RNF34: variants seen among roughly 807,000 people sequenced by gnomAD.
RNF34 encodes ring finger protein 34.
RNF34 carries 12 observed loss-of-function variants against 37.9 expected under a neutral mutation model. That is an observed-to-expected ratio of 0.32 (90% confidence interval 0.20 to 0.51). RNF34 has a LOEUF of 0.51. Among genes scored for constraint, RNF34 ranks in the 20% least tolerant of loss-of-function variants. The pLI is 0.97. For missense variants in RNF34, 362 were observed against 472.7 expected, an observed-to-expected ratio of 0.77 and a Z score of 2.17; for synonymous variants, 155 against 177.2, an observed-to-expected ratio of 0.87 and a Z score of 1.00.
Position 121,423,756 on chromosome 12 carries a change from C to T in RNF34, c.*180C>T, listed in dbSNP as rs1872365382. On this transcript the variant is annotated 3_prime_UTR_variant, in exon 6 of 6. Transcript: ENST00000361234. This position sits in a 1 kb window ranked among gnomAD's most constrained non-coding sequence, Gnocchi z 4.3. ...GGAAACATTGGTCCATGCCGTGAGC[C>T]TGTCTGCCTGTGGACACGTGAGCTT... 1 of 598,538 alleles carries T rather than the reference C, an allele frequency of 1.7e-6. No homozygotes were observed. The highest frequency in any genetic ancestry group is 2.9e-6 in the Non-Finnish European group (1 of 348,878). 37.1% of individuals were successfully genotyped at this position (598,538 alleles called of 1,614,324 possible).
intron 1 of RNF34, 82 bp from the exon 2 acceptor site, chr12:121,416,077 C>G (rs781929620): frequency 1.1e-5 from 13 of 1,155,120 alleles, no homozygotes; most frequent in Non-Finnish European, 1.7e-5. Flanking sequence ...AAACTTACCT[C>G]TCCAGAATAG....
chr12:121,410,094 C>T (rs907942502), intron 1 of RNF34, among the ~76,000 whole-genome samples: 28 of 151,848 alleles, frequency 1.8e-4, no homozygotes, highest in African/African-American at 5.8e-4. Flanking sequence ...GTAGAGGTTG[C>T]GGTGAGCCAA....
intron 1 of RNF34, among the ~76,000 whole-genome samples, chr12:121,403,639 T>TA (rs1264316689): frequency 6.6e-6 from 1 of 152,142 alleles, no homozygotes; most frequent in African/African-American, 2.4e-5. Flanking sequence ...CCTGGACATA[T>TA]AGTGGGTGAG....
Position 121,423,514 on chromosome 12 carries a change from A to G in RNF34, c.1057A>G (p.Met353Val). 3.1e-6 allele frequency: 5 copies of G among 1,614,222 alleles called. No individual in the cohort carries two copies. Among genetic ancestry groups the G allele is most frequent in the Non-Finnish European group, 4.2e-6 (5 of 1,180,036 alleles). Residue 353 changes from methionine (M) to valine (V), a missense_variant, in exon 6 of 6, where the codon ATG becomes GTG. By Grantham distance (21) the Met-to-Val change is conservative. Transcript: ENST00000361234. This position sits in a 1 kb window ranked among gnomAD's most constrained non-coding sequence, Gnocchi z 4.3. The part of the protein sequence containing the change: ...MVTCTKCGKR[M>V]SECPICRQYV... ...TACCTGCACCAAGTGCGGCAAGCGC[A>G]TGAGTGAGTGTCCCATCTGCCGGCA...
chr12:121,414,270 A>C (rs79084421), intron 1 of RNF34, among the ~76,000 whole-genome samples: 2,387 of 152,360 alleles, frequency 0.016, 49 homozygotes, highest in East Asian at 0.13. Context: ...ATTACCTATC[A>C]CATTATCTAG....
At chr12:121,407,760 G>T (rs11065560) in intron 1 of RNF34, among the ~76,000 whole-genome samples, 1 of 152,168 alleles carries the variant, frequency 6.6e-6, no homozygotes, top group Admixed American at 6.5e-5. Flanking sequence ...CATGAACTTA[G>T]GTCTCTAAAG....
chr12:121,423,695 T>A lies in RNF34; in HGVS notation c.*119T>A. On this transcript the variant is annotated 3_prime_UTR_variant, in exon 6 of 6. Coordinates refer to ENST00000361234, the MANE Select transcript of RNF34 (RefSeq NM_025126.4). The surrounding 1 kb of genome is among the most constrained non-coding windows in gnomAD (Gnocchi z 4.3). ...AGCTATTTTAAAACATTATTTTGAC[T>A]ACTAAGTGGGGACAGAAAGATCCAT... 1.2e-6 allele frequency: 1 copy of A among 858,512 alleles called. No individual in the cohort carries two copies. Among genetic ancestry groups the A allele is most frequent in the Non-Finnish European group, 1.8e-6 (1 of 558,726 alleles). The allele number at this position is 858,512 out of a possible 1,614,324, so 53.2% of individuals were successfully genotyped here.
chr12:121,403,772 G>A (rs1194306041), intron 1 of RNF34, among the ~76,000 whole-genome samples: 1 of 152,114 alleles, frequency 6.6e-6, no homozygotes, highest in East Asian at 1.9e-4. Flanking sequence ...TAAAATAACT[G>A]TGTAAATAAT....
chr12:121,417,985 GCTTGA>G lies in RNF34; in HGVS notation c.633+75_633+79del. Reference sequence around the variant, plus strand: ...GGCCGTATATGGTGGGGCCTTTAGTGCTTGATGACTTCTGATAAACTTCAAGTCAT... The same window carrying G: ...GGCCGTATATGGTGGGGCCTTTAGTGTGACTTCTGATAAACTTCAAGTCAT... On this transcript the variant is annotated intron_variant, in intron 3 of 5. Coordinates refer to ENST00000361234, the MANE Select transcript of RNF34 (RefSeq NM_025126.4). This position sits in a 1 kb window ranked among gnomAD's most constrained non-coding sequence, Gnocchi z 5.0. 1.4e-6 allele frequency: 2 copies of G among 1,437,398 alleles called. No homozygotes were observed. Among genetic ancestry groups the G allele is most frequent in the Non-Finnish European group, 1.9e-6 (2 of 1,054,580 alleles). The allele number at this position is 1,437,398 out of a possible 1,614,324, so 89.0% of individuals were successfully genotyped here. A position where few individuals can be genotyped will look rare whatever the true frequency, so the allele number is the denominator to read the frequency against.
intron 5 of RNF34, among the ~76,000 whole-genome samples, chr12:121,421,632 G>T (rs1020064729): frequency 6.6e-6 from 1 of 152,048 alleles, no homozygotes; most frequent in Non-Finnish European, 1.5e-5. Flanking sequence ...TCAAGCCACG[G>T]AACATTTATG....
At chr12:121,408,982 T>C (rs1870794640) in intron 1 of RNF34, among the ~76,000 whole-genome samples, 1 of 152,054 alleles carries the variant, frequency 6.6e-6, no homozygotes, top group African/African-American at 2.4e-5. Flanking sequence ...CCCTTTCTTT[T>C]TTTTTTTGAG....
chr12:121,416,039 A>C, intron 1 of RNF34, 120 bp from the exon 2 acceptor site: 1 of 725,340 alleles, frequency 1.4e-6, no homozygotes, highest in Admixed American at 2.6e-5. Flanking sequence ...GCCCAGAGGA[A>C]TATAGTAATC....
rs1871699012 is a variant in RNF34, at chr12:121,417,673, T to C, written c.395T>C (p.Ile132Thr). Residue 132 changes from isoleucine (I) to threonine (T), a missense_variant, in exon 3 of 6, where the codon ATA becomes ACA. By Grantham distance (89) the Ile-to-Thr change is moderately conservative. Transcript: ENST00000361234. The surrounding 1 kb of genome is among the most constrained non-coding windows in gnomAD (Gnocchi z 5.0). ...CGGCAGTATCTCATTCTGAGAAATA[T>C]ACCCATAGATACTTGTCGTGAGAAA... ...DLRQYLILRN[I>T]PIDTCREKED... 4 of 1,614,080 alleles carry C rather than the reference T, an allele frequency of 2.5e-6. No homozygotes were observed. Among genetic ancestry groups the C allele is most frequent in the Non-Finnish European group, 3.4e-6 (4 of 1,180,040 alleles).
intron 1 of RNF34, among the ~76,000 whole-genome samples, chr12:121,414,957 A>T (rs1555281916): frequency 6.6e-6 from 1 of 152,110 alleles, no homozygotes; most frequent in Non-Finnish European, 1.5e-5. Flanking sequence ...TTAGCTGGGC[A>T]TGGTGGCGGA....
intron 3 of RNF34, among the ~76,000 whole-genome samples, chr12:121,419,119 A>T (rs1438812472): frequency 6.6e-6 from 1 of 152,228 alleles, no homozygotes; most frequent in Non-Finnish European, 1.5e-5. Context: ...GACCACATAC[A>T]CGGCAGTGGT....
At chr12:121,416,791 C>G (rs1871612724) in intron 2 of RNF34, among the ~76,000 whole-genome samples, 1 of 152,138 alleles carries the variant, frequency 6.6e-6, no homozygotes, top group Non-Finnish European at 1.5e-5. Context: ...TTTAGAGATT[C>G]AACATCAAAT....
chr12:121,413,138 G>A (rs1263644786), intron 1 of RNF34, among the ~76,000 whole-genome samples: 2 of 102,454 alleles, frequency 2.0e-5, no homozygotes, highest in African/African-American at 1.4e-4. Flanking sequence ...CGATTCTCCT[G>A]CCTCGGCCTT....
intron 1 of RNF34, among the ~76,000 whole-genome samples, chr12:121,409,007 G>A (rs1870798021): frequency 6.6e-6 from 1 of 151,196 alleles, no homozygotes; most frequent in African/African-American, 2.4e-5. Flanking sequence ...AGTCTTGCTC[G>A]GTCACCCAGG....
intron 1 of RNF34, among the ~76,000 whole-genome samples, chr12:121,413,738 A>C (rs745411327): frequency 1.3e-5 from 2 of 151,652 alleles, no homozygotes; most frequent in Non-Finnish European, 2.9e-5. Context: ...CAGCATGCCC[A>C]GCTAATTTTT....
Sources: allele counts gnomAD v4.1 joint callset (sites outside exome capture counted in the v4.1 genomes callset), GRCh38; gene constraint gnomAD v4.1.1; non-coding constraint Gnocchi (gnomAD v3.1); transcripts MANE v1.5; gene names NCBI Gene and HGNC (gene_info 2026-07-23, HGNC 2026-07-21).